The following CAMK1D variants were observed in gnomAD, a reference collection of about 807,000 sequenced individuals.
The protein encoded by CAMK1D is calcium/calmodulin-dependent protein kinase type 1D.
A neutral mutation model predicts 47.7 loss-of-function variants in CAMK1D; 9 were observed. The ratio of observed to expected loss-of-function variants is 0.19; its 90% CI spans 0.11 to 0.33. The LOEUF is 0.33. CAMK1D is among the 10% of genes least tolerant of loss of function. The probability of loss-of-function intolerance (pLI) is 1.00; values close to 1 mark genes in which losing one functional copy is unlikely to be tolerated. For missense variants in CAMK1D, 291 were observed against 488.7 expected, an observed-to-expected ratio of 0.60 and a Z score of 3.81; for synonymous variants, 184 against 184.9, an observed-to-expected ratio of 0.99 and a Z score of 0.04.
In CAMK1D at chr10:12,785,982, A is replaced by G. The variant is rs562340734; in HGVS notation, c.566-5176A>G. On this transcript the variant is annotated intron_variant, in intron 5 of 10. Transcript: ENST00000619168. ...TTGGCCCGGTTTGGCCACCATATCA[A>G]ATTATCAGGAGAGTTTTGAAAATTG... 6.9e-4 allele frequency among the ~76,000 whole-genome samples: 105 copies of G among 152,306 alleles called. 1 individual carries two copies. Among genetic ancestry groups the G allele is most frequent in the African/African-American group, 2.1e-3 (86 of 41,578 alleles).
intron 3 of CAMK1D, among the ~76,000 whole-genome samples, chr10:12,749,373 T>C (rs1312653959): frequency 6.6e-6 from 1 of 151,028 alleles, no homozygotes; most frequent in Non-Finnish European, 1.5e-5. Flanking sequence ...GTGTTCCCAT[T>C]CGGTGTCACG....
intron 1 of CAMK1D, among the ~76,000 whole-genome samples, chr10:12,512,357 C>T (rs1835064625): frequency 6.6e-6 from 1 of 152,064 alleles, no homozygotes; most frequent in Non-Finnish European, 1.5e-5. Flanking sequence ...TCAGACAAAC[C>T]CGGAGTCTCC....
chr10:12,714,835 A>G (rs934775287), intron 3 of CAMK1D, among the ~76,000 whole-genome samples: 5 of 149,488 alleles, frequency 3.3e-5, no homozygotes, highest in Non-Finnish European at 5.9e-5. Context: ...TCTTTTAGTT[A>G]CCTTTTTTTA....
At chr10:12,387,338 A>ATATATATATTATATTT (rs1838527597) in intron 1 of CAMK1D, among the ~76,000 whole-genome samples, 1 of 138,740 alleles carries the variant, frequency 7.2e-6, no homozygotes, top group East Asian at 2.0e-4. Context: ...TGAGTTTGAG[A>ATATATATATTATATTT]TATATATATT....
At chr10:12,709,429 C>T (rs1259861055) in intron 3 of CAMK1D, among the ~76,000 whole-genome samples, 2 of 151,818 alleles carry the variant, frequency 1.3e-5, no homozygotes, top group Admixed American at 1.3e-4. Context: ...AAGGACTTTG[C>T]AATGCAGAGT....
chr10:12,529,584 G>T (rs1345032333), intron 1 of CAMK1D, among the ~76,000 whole-genome samples: 1 of 152,158 alleles, frequency 6.6e-6, no homozygotes, highest in Non-Finnish European at 1.5e-5. Flanking sequence ...TGACATATGT[G>T]CTGGTGCTCA....
At chr10:12,622,173 G>A (rs1476796235) in intron 2 of CAMK1D, among the ~76,000 whole-genome samples, 1 of 152,208 alleles carries the variant, frequency 6.6e-6, no homozygotes, top group Non-Finnish European at 1.5e-5. Context: ...CCTTGGTACA[G>A]CCTTGTGAGG....
intron 5 of CAMK1D, among the ~76,000 whole-genome samples, chr10:12,775,069 CTG>C (rs1381535020): frequency 1.9e-4 from 26 of 138,870 alleles, no homozygotes; most frequent in Admixed American, 3.6e-4. Flanking sequence ...TCAGGTGAGA[CTG>C]TGAGAAGGCT....
At chr10:12,774,826 C>T (rs377276460) in intron 5 of CAMK1D, among the ~76,000 whole-genome samples, 3 of 152,376 alleles carry the variant, frequency 2.0e-5, no homozygotes, top group African/African-American at 4.8e-5. Flanking sequence ...TTTTGAGACT[C>T]TAATAATGCT....
chr10:12,485,159 G>T (rs969083135), intron 1 of CAMK1D, among the ~76,000 whole-genome samples: 1 of 152,224 alleles, frequency 6.6e-6, no homozygotes, highest in South Asian at 2.1e-4. Flanking sequence ...GCATTAGTAA[G>T]TGTAACCGAG....
At chr10:12,699,660 A>AT (rs1172739623) in intron 3 of CAMK1D, among the ~76,000 whole-genome samples, 1 of 151,444 alleles carries the variant, frequency 6.6e-6, no homozygotes, top group Non-Finnish European at 1.5e-5. Context: ...AAAAAAAAAA[A>AT]CAAGATGATT....
intron 5 of CAMK1D, among the ~76,000 whole-genome samples, chr10:12,776,262 C>T (rs1321240509): frequency 6.6e-6 from 1 of 152,202 alleles, no homozygotes; most frequent in African/African-American, 2.4e-5. Context: ...AAGGATAATT[C>T]AAAGGTTTTT....
intron 1 of CAMK1D, among the ~76,000 whole-genome samples, chr10:12,374,655 T>G (rs1588418782): frequency 2.0e-5 from 3 of 152,238 alleles, no homozygotes; most frequent in South Asian, 4.1e-4. Flanking sequence ...TAGAAATATT[T>G]CTGTGGACCG....
chr10:12,622,037 G>C (rs1324315962), intron 2 of CAMK1D, among the ~76,000 whole-genome samples: 1 of 152,188 alleles, frequency 6.6e-6, no homozygotes, highest in Non-Finnish European at 1.5e-5. Flanking sequence ...GGCTTCCTCA[G>C]TGTCTCCACA....
intron 3 of CAMK1D, among the ~76,000 whole-genome samples, chr10:12,722,239 C>T (rs1357145432): frequency 2.0e-5 from 3 of 151,738 alleles, no homozygotes; most frequent in South Asian, 2.1e-4. Context: ...GTCTGGAGAT[C>T]GAGACCATCC....
chr10:12,595,342 G>GAAAAAAAA (rs535214333), intron 2 of CAMK1D, among the ~76,000 whole-genome samples: 2,798 of 23,524 alleles, frequency 0.12, 1,033 homozygotes, highest in East Asian at 0.2. Flanking sequence ...AACTCCATCT[G>GAAAAAAAA]AAAAAAAAAA....
chr10:12,657,318 G>C (rs932752887), intron 2 of CAMK1D, among the ~76,000 whole-genome samples: 1 of 152,004 alleles, frequency 6.6e-6, no homozygotes, highest in Non-Finnish European at 1.5e-5. Flanking sequence ...CCAGCTACTC[G>C]GGAGGCTGAG....
At chr10:12,484,225 C>T (rs1834145652) in intron 1 of CAMK1D, among the ~76,000 whole-genome samples, 1 of 152,216 alleles carries the variant, frequency 6.6e-6, no homozygotes. Flanking sequence ...CTGCTTTCAG[C>T]TTCCCACCGG....
intron 10 of CAMK1D, among the ~76,000 whole-genome samples, chr10:12,828,428 G>T (rs1297427330): frequency 6.6e-6 from 1 of 152,086 alleles, no homozygotes; most frequent in Non-Finnish European, 1.5e-5. Context: ...ATCACCTGAG[G>T]TCAGGAGTTC....
Sources: gnomAD v4.1 joint callset for allele counts (sites outside exome capture counted in the v4.1 genomes callset) on GRCh38, gnomAD v4.1.1 for gene constraint, MANE v1.5 for transcripts, NCBI Gene and HGNC (gene_info 2026-07-23, HGNC 2026-07-21) for gene names.